Variants in NCK1 observed in about 807,000 individuals in gnomAD.
NCK1 encodes the protein SH2/SH3 adapter protein NCK1.
A neutral mutation model predicts 36.6 loss-of-function variants in NCK1; 19 were observed. That is an observed-to-expected ratio of 0.52 (90% CI 0.36 to 0.76). The LOEUF is 0.76. NCK1 is among the 30% of genes least tolerant of loss of function. NCK1 has a pLI of 0.00. For synonymous variants in NCK1, 165 were observed against 156.0 expected, an observed-to-expected ratio of 1.06 and a Z score of -0.43; for missense variants, 358 against 445.6, an observed-to-expected ratio of 0.80 and a Z score of 1.77.
At chr3:136,863,664 G>A (rs966374188) in intron 1 of NCK1, among the ~76,000 whole-genome samples, 5 of 152,154 alleles carry the variant, frequency 3.3e-5, no homozygotes, top group Admixed American at 1.3e-4. Flanking sequence ...TTTGCAGAGT[G>A]TTCACATCTA....
chr3:136,946,457 C>G (rs551500008), intron 3 of NCK1, among the ~76,000 whole-genome samples, 162 bp downstream of exon 3: 4 of 152,260 alleles, frequency 2.6e-5, no homozygotes. Flanking sequence ...CGCATTCTTT[C>G]TAGCTATCTA....
chr3:136,879,079 A>T (rs1305537019), intron 1 of NCK1, among the ~76,000 whole-genome samples: 5 of 152,006 alleles, frequency 3.3e-5, no homozygotes, highest in Non-Finnish European at 7.4e-5. Flanking sequence ...AGCTTCTCAT[A>T]TAAGAAACCT....
At chr3:136,917,495 A>G (rs1401362965) in intron 1 of NCK1, among the ~76,000 whole-genome samples, 1 of 152,188 alleles carries the variant, frequency 6.6e-6, no homozygotes, top group Non-Finnish European at 1.5e-5. Context: ...CAGCTTTTGA[A>G]AAATTGGAGA....
At chr3:136,922,072 C>T (rs887011339) in intron 1 of NCK1, among the ~76,000 whole-genome samples, 2 of 152,168 alleles carry the variant, frequency 1.3e-5, no homozygotes, top group African/African-American at 2.4e-5. Context: ...CGTGAGCCAC[C>T]GCGCCCGGCC....
At chr3:136,877,051 A>G (rs922344468) in intron 1 of NCK1, among the ~76,000 whole-genome samples, 17 of 152,210 alleles carry the variant, frequency 1.1e-4, no homozygotes, top group Non-Finnish European at 1.5e-5. Flanking sequence ...AAGGAGAATT[A>G]GACAAATCCA....
chr3:136,903,283 G>A (rs1188884410), intron 1 of NCK1, among the ~76,000 whole-genome samples: 1 of 152,008 alleles, frequency 6.6e-6, no homozygotes, highest in Non-Finnish European at 1.5e-5. Context: ...AGTCACTGTT[G>A]GTTTCTGTTT....
chr3:136,898,055 A>AT (rs1176686036), intron 1 of NCK1, among the ~76,000 whole-genome samples: 1 of 152,156 alleles, frequency 6.6e-6, no homozygotes, highest in Non-Finnish European at 1.5e-5. Context: ...AAAGGCTAAC[A>AT]TTTTTGCAGA....
At position 136,910,427 on chromosome 3, in the gene NCK1, C is replaced by T. The variant is rs76411022; in HGVS notation, c.-18-17557C>T. Among the ~76,000 whole-genome samples the T allele has an allele frequency of 4.2e-3, 639 of 152,232 alleles. 10 individuals carry two copies. The East Asian group carries it at 0.046, about 11-fold the overall frequency. On this transcript the variant is annotated intron_variant, in intron 1 of 3. Transcript: ENST00000481752. ...CAAACTAAAGTTACAATTATTCTAG[C>T]TTTTAGAGTAATGTTTTTGTTGTGT... is the stretch of plus-strand genomic sequence containing the variant.
chr3:136,917,345 A>G (rs770463304), intron 1 of NCK1, among the ~76,000 whole-genome samples: 59 of 151,400 alleles, frequency 3.9e-4, no homozygotes, highest in Non-Finnish European at 7.4e-4. Flanking sequence ...ACCTCTGTCC[A>G]TGTTAAGCCT....
intron 1 of NCK1, among the ~76,000 whole-genome samples, chr3:136,885,431 C>T (rs879373799): frequency 1.3e-5 from 2 of 152,114 alleles, no homozygotes; most frequent in African/African-American, 4.8e-5. Context: ...CAGCTCCTTA[C>T]GTAGCTGGAA....
chr3:136,894,092 T>C (rs1005889110), intron 1 of NCK1, among the ~76,000 whole-genome samples: 1 of 152,148 alleles, frequency 6.6e-6, no homozygotes, highest in Admixed American at 6.6e-5. Context: ...ATAATCAGGG[T>C]CATTTATCAC....
rs1048789227 is a variant in NCK1, at chr3:136,950,740, TAGG to T, written c.*2293_*2295del. ...ACTCTGTGTATGCTTGGTTTTAGAC[TAGG>T]AGGAGAGTCCTGGGAAGGGCAATAT... is the stretch of plus-strand genomic sequence containing the variant. On this transcript the variant is annotated 3_prime_UTR_variant, in exon 4 of 4. Coordinates refer to ENST00000481752, the MANE Select transcript of NCK1 (RefSeq NM_001291999.2). Among the ~76,000 whole-genome samples the T allele has an allele frequency of 6.6e-6, 1 of 152,130 alleles. No individual in the cohort carries two copies. The highest frequency in any genetic ancestry group is 2.4e-5 in the African/African-American group (1 of 41,440).
chr3:136,883,647 GT>G (rs1486088252), intron 1 of NCK1, among the ~76,000 whole-genome samples: 1 of 152,166 alleles, frequency 6.6e-6, no homozygotes, highest in Non-Finnish European at 1.5e-5. Context: ...TAATTGGCCA[GT>G]GCTTAGGATA....
chr3:136,940,179 G>A (rs938391557), intron 2 of NCK1, among the ~76,000 whole-genome samples: 2 of 152,072 alleles, frequency 1.3e-5, no homozygotes, highest in African/African-American at 4.8e-5. Context: ...GCCTTGTTTT[G>A]TGTCCTAATA....
At chr3:136,937,594 T>C (rs1428149653) in intron 2 of NCK1, among the ~76,000 whole-genome samples, 1 of 152,238 alleles carries the variant, frequency 6.6e-6, no homozygotes, top group Non-Finnish European at 1.5e-5. Context: ...TCTTTCCGTT[T>C]ATTTAAGTCT....
intron 1 of NCK1, among the ~76,000 whole-genome samples, chr3:136,880,542 T>C (rs1028712552): frequency 5.3e-5 from 8 of 152,238 alleles, no homozygotes; most frequent in African/African-American, 1.7e-4. Flanking sequence ...ATTTCAGACT[T>C]CTGGCCTCCA....
intron 1 of NCK1, among the ~76,000 whole-genome samples, chr3:136,895,399 A>T (rs899040036): frequency 2.6e-5 from 4 of 151,346 alleles, no homozygotes; most frequent in Non-Finnish European, 5.9e-5. Context: ...TTGCCATACC[A>T]CCTTTTTTAA....
At position 136,929,913 on chromosome 3, in the gene NCK1, A is replaced by G. The variant is rs147181784; in HGVS notation, c.226+1686A>G. Among the ~76,000 whole-genome samples, 434 of 152,338 alleles carry G rather than the reference A, an allele frequency of 2.8e-3. 3 individuals are homozygous for G. The highest frequency in any genetic ancestry group is 1.0e-2 in the African/African-American group (415 of 41,578). On this transcript the variant is annotated intron_variant, in intron 2 of 3. Transcript: ENST00000481752. ...GTTAATACTCCAGGATGCATTCCGTACTACAGTATTCTGATGTTATTGAGA... is the reference window on the plus strand; with the variant it reads ...GTTAATACTCCAGGATGCATTCCGTGCTACAGTATTCTGATGTTATTGAGA...
intron 1 of NCK1, among the ~76,000 whole-genome samples, chr3:136,873,315 T>C (rs1278807043): frequency 6.6e-6 from 1 of 152,210 alleles, no homozygotes; most frequent in Non-Finnish European, 1.5e-5. Context: ...ACTGCCCTGC[T>C]GTATTTTGGA....
Sources: allele counts gnomAD v4.1 joint callset (sites outside exome capture counted in the v4.1 genomes callset), GRCh38; gene constraint gnomAD v4.1.1; transcripts MANE v1.5; gene names NCBI Gene and HGNC (gene_info 2026-07-23, HGNC 2026-07-21).